Variants in CEP135 observed in about 807,000 individuals in gnomAD.
The protein encoded by CEP135 is centrosomal protein 135, also known as centrosomal protein of 135 kDa.
A neutral mutation model predicts 157.3 loss-of-function variants in CEP135; 142 were observed. The ratio of observed to expected loss-of-function variants is 0.90; its 90% confidence interval spans 0.79 to 1.04. The LOEUF (loss-of-function observed/expected upper bound fraction) is 1.04, where lower values mean the gene tolerates loss of function less well. Among genes scored for constraint, CEP135 ranks in the 50% least tolerant of loss-of-function variants. The probability of loss-of-function intolerance (pLI) is 0.00; values close to 1 mark genes in which losing one functional copy is unlikely to be tolerated. For synonymous variants in CEP135, 396 were observed against 439.8 expected, an observed-to-expected ratio of 0.90 and a Z score of 1.25; for missense variants, 1,317 against 1,309.2, an observed-to-expected ratio of 1.01 and a Z score of -0.09.
chr4:55,967,572 A>G (rs541483963), intron 8 of CEP135, among the ~76,000 whole-genome samples: 1 of 152,346 alleles, frequency 6.6e-6, no homozygotes, highest in African/African-American at 2.4e-5. Flanking sequence ...GATCATTTTT[A>G]AGAAGCACTG....
In CEP135 at chr4:55,971,530, G is replaced by A; in HGVS notation, c.1249+122G>A. 7 of 940,380 alleles carry A rather than the reference G, an allele frequency of 7.4e-6. No homozygotes were observed. The South Asian group carries it at 1.4e-4, about 19-fold the overall frequency. 58.3% of individuals were successfully genotyped at this position (940,380 alleles called of 1,614,324 possible). A position where few individuals can be genotyped will look rare whatever the true frequency, so the allele number is the denominator to read the frequency against. ...AATATTTGTTGAGTGCTTACCATTA[G>A]TCAAAAACCATAGTAGTTACTGTAG... is the stretch of plus-strand genomic sequence containing the variant. On this transcript the variant is annotated intron_variant, in intron 10 of 25. Transcript: ENST00000257287.
At chr4:55,994,401 A>G (rs1729895691) in intron 15 of CEP135, among the ~76,000 whole-genome samples, 3 of 152,150 alleles carry the variant, frequency 2.0e-5, no homozygotes, top group Non-Finnish European at 2.9e-5. Context: ...ACAAAAGTCA[A>G]CCAGGCATGG....
At chr4:55,981,150 G>T in intron 12 of CEP135, 77 bp from the exon 13 acceptor site, 1 of 1,393,166 alleles carries the variant, frequency 7.2e-7, no homozygotes, top group Non-Finnish European at 9.6e-7. Context: ...TTTTTAACTG[G>T]AAACATATCC....
At chr4:55,975,574 C>T (rs1277262704) in intron 11 of CEP135, among the ~76,000 whole-genome samples, 3 of 152,138 alleles carry the variant, frequency 2.0e-5, no homozygotes, top group Non-Finnish European at 4.4e-5. Context: ...TTAAAGTTGA[C>T]CATGATTCAT....
At chr4:55,993,421 A>G (rs768234213) in intron 15 of CEP135, among the ~76,000 whole-genome samples, 3 of 152,214 alleles carry the variant, frequency 2.0e-5, no homozygotes, top group Non-Finnish European at 2.9e-5. Context: ...AAGGAATACT[A>G]TATTAGCGAC....
intron 15 of CEP135, among the ~76,000 whole-genome samples, chr4:55,995,549 C>A (rs930426247): frequency 1.3e-5 from 2 of 152,008 alleles, no homozygotes; most frequent in Non-Finnish European, 2.9e-5. Context: ...TTGAAAGTAG[C>A]CCTAGGCAAT....
chr4:56,019,329 A>G, intron 22 of CEP135, 24 bp from the exon 23 acceptor site: 1 of 1,577,924 alleles, frequency 6.3e-7, no homozygotes, highest in Non-Finnish European at 8.6e-7. Flanking sequence ...GTACTGAAGT[A>G]ATCTTACTTT....
intron 6 of CEP135, among the ~76,000 whole-genome samples, chr4:55,963,181 C>G (rs1728737110): frequency 6.6e-6 from 1 of 152,152 alleles, no homozygotes; most frequent in Non-Finnish European, 1.5e-5. Flanking sequence ...CTGTTCTATC[C>G]TCTACCACTG....
chr4:55,990,010 A>G (rs1729732187), intron 14 of CEP135, among the ~76,000 whole-genome samples: 1 of 152,144 alleles, frequency 6.6e-6, no homozygotes, highest in Non-Finnish European at 1.5e-5. Flanking sequence ...TTATTTACAT[A>G]TTGTCTGTGA....
intron 17 of CEP135, among the ~76,000 whole-genome samples, chr4:56,006,048 T>G (rs928380184): frequency 6.6e-6 from 1 of 152,220 alleles, no homozygotes; most frequent in African/African-American, 2.4e-5. Flanking sequence ...GAGTTTATTA[T>G]ATGCCTTGGG....
intron 17 of CEP135, among the ~76,000 whole-genome samples, chr4:56,006,611 C>G (rs1457684315): frequency 2.0e-5 from 3 of 152,056 alleles, no homozygotes; most frequent in African/African-American, 7.2e-5. Flanking sequence ...GAATGAGACC[C>G]TGTCTCAAAA....
chr4:55,980,347 A>T (rs770071455), intron 12 of CEP135, 52 bp downstream of exon 12: 2 of 1,174,000 alleles, frequency 1.7e-6, no homozygotes, highest in South Asian at 3.0e-5. Context: ...CCAGTTAACT[A>T]TAATGGAGCC....
At chr4:55,997,531 G>A (rs1021708552) in intron 15 of CEP135, among the ~76,000 whole-genome samples, 1 of 152,150 alleles carries the variant, frequency 6.6e-6, no homozygotes, top group Admixed American at 6.6e-5. Context: ...AAAGGACTCC[G>A]TATAGCTTCC....
chr4:55,971,977 C>G (rs1310914323), intron 10 of CEP135, among the ~76,000 whole-genome samples: 1 of 151,962 alleles, frequency 6.6e-6, no homozygotes, highest in African/African-American at 2.4e-5. Context: ...ATGGTGAAAC[C>G]CCGTCTCCAC....
chr4:55,996,271 C>T (rs1729966138), intron 15 of CEP135, among the ~76,000 whole-genome samples: 1 of 152,082 alleles, frequency 6.6e-6, no homozygotes, highest in African/African-American at 2.4e-5. Context: ...TAGGCATGCA[C>T]CACTACACTC....
chr4:56,027,706 G>C (rs556570788), intron 25 of CEP135, among the ~76,000 whole-genome samples: 4 of 152,080 alleles, frequency 2.6e-5, no homozygotes, highest in Non-Finnish European at 5.9e-5. Context: ...TTTGTTTTTA[G>C]AGCCAGGGTC....
chr4:56,013,794 C>G (rs1324566921), intron 21 of CEP135, among the ~76,000 whole-genome samples: 1 of 152,100 alleles, frequency 6.6e-6, no homozygotes, highest in Non-Finnish European at 1.5e-5. Context: ...GAATTATAGC[C>G]TCCAGAAAGA....
In CEP135 at chr4:56,021,861, A is replaced by G. The variant is rs113926167; in HGVS notation, c.3320+1081A>G. 8.2e-3 allele frequency among the ~76,000 whole-genome samples: 1,246 copies of G among 152,238 alleles called. 14 individuals carry two copies. The highest frequency in any genetic ancestry group is 0.028 in the African/African-American group (1,171 of 41,550). ...AGCAACATGGCAAAACACCATCTCTACAAAAAAATTTTTGAAAATTAGCTG... is the reference window on the plus strand; with the variant it reads ...AGCAACATGGCAAAACACCATCTCTGCAAAAAAATTTTTGAAAATTAGCTG... On this transcript the variant is annotated intron_variant, in intron 24 of 25. Transcript: ENST00000257287.
chr4:55,986,064 T>C (rs550519894), intron 14 of CEP135, among the ~76,000 whole-genome samples: 1 of 152,334 alleles, frequency 6.6e-6, no homozygotes, highest in South Asian at 2.1e-4. Context: ...GGCAAGTTGC[T>C]TGACCTTTCT....
Sources: gnomAD v4.1 joint callset for allele counts (sites outside exome capture counted in the v4.1 genomes callset) on GRCh38, gnomAD v4.1.1 for gene constraint, MANE v1.5 for transcripts, NCBI Gene and HGNC (gene_info 2026-07-23, HGNC 2026-07-21) for gene names.